Variants in SNX29 observed in about 807,000 individuals in gnomAD.
SNX29 encodes the protein sorting nexin-29.
Under a neutral mutation model 102.1 loss-of-function variants are expected in SNX29, and 78 were observed. The ratio of observed to expected loss-of-function variants is 0.76; its 90% CI spans 0.64 to 0.92. SNX29 has a LOEUF of 0.92. SNX29 is among the 40% of genes least tolerant of loss of function. The pLI is 0.00. For synonymous variants in SNX29, 580 were observed against 414.5 expected, an observed-to-expected ratio of 1.40 and a Z score of -4.85; for missense variants, 1,280 against 1,061.7, an observed-to-expected ratio of 1.21 and a Z score of -2.86.
At chr16:12,288,464 C>T (rs1269272225) in intron 15 of SNX29, among the ~76,000 whole-genome samples, 2 of 152,196 alleles carry the variant, frequency 1.3e-5, no homozygotes, top group Admixed American at 1.3e-4. Flanking sequence ...CCCTGCTCTG[C>T]AGCAGCAGTC....
At chr16:12,291,711 G>A (rs113200056) in intron 15 of SNX29, among the ~76,000 whole-genome samples, 4,821 of 152,296 alleles carry the variant, frequency 0.032, 120 homozygotes, top group Admixed American at 0.063. Context: ...CACAGGATCT[G>A]GCTTGTGCTA....
At position 12,526,815 on chromosome 16, in the gene SNX29, G is replaced by A. The variant is rs1445715902; in HGVS notation, c.2318+1974G>A. The A allele has an allele frequency of 8.5e-5, 34 of 401,598 alleles. No individual in the cohort carries two copies. In the East Asian group the frequency reaches 1.3e-3, roughly 15 times the overall value. The allele number at this position is 401,598 out of a possible 1,614,324, so 24.9% of individuals were successfully genotyped here. A position where few individuals can be genotyped will look rare whatever the true frequency, so the allele number is the denominator to read the frequency against. On this transcript the variant is annotated intron_variant, in intron 20 of 20. Coordinates refer to ENST00000566228, the MANE Select transcript of SNX29 (RefSeq NM_032167.5). ...CGGGGTCCACAGCCCAGGCATCTCC[G>A]GTCCAGTGTTTCCCAAACATTCGCG...
chr16:12,547,991 C>G (rs962700321), intron 20 of SNX29, among the ~76,000 whole-genome samples: 1 of 152,106 alleles, frequency 6.6e-6, no homozygotes, highest in Non-Finnish European at 1.5e-5. Flanking sequence ...ACAGGGGTCT[C>G]GAGTGAACGT....
At chr16:12,278,479 A>G (rs1310401555) in intron 15 of SNX29, among the ~76,000 whole-genome samples, 1 of 152,174 alleles carries the variant, frequency 6.6e-6, no homozygotes, top group Admixed American at 6.5e-5. Context: ...GAAAAGAAAA[A>G]AAAAACCAAA....
chr16:12,303,115 G>A (rs1050649739), intron 15 of SNX29, among the ~76,000 whole-genome samples: 18 of 152,166 alleles, frequency 1.2e-4, no homozygotes, highest in Admixed American at 7.9e-4. Context: ...GCAATTTACC[G>A]TGAAGCTGTC....
At chr16:12,305,710 T>G (rs1172647408) in intron 15 of SNX29, among the ~76,000 whole-genome samples, 1 of 152,230 alleles carries the variant, frequency 6.6e-6, no homozygotes, top group East Asian at 1.9e-4. Context: ...CTGGGTGTTG[T>G]GTATCCAGAC....
chr16:12,207,629 C>G (rs528650599), intron 14 of SNX29, among the ~76,000 whole-genome samples: 1 of 152,178 alleles, frequency 6.6e-6, no homozygotes, highest in Non-Finnish European at 1.5e-5. Context: ...TACGACCCCA[C>G]TCTTGGCTCA....
chr16:12,533,338 G>C (rs78749501), intron 20 of SNX29, among the ~76,000 whole-genome samples: 135 of 152,294 alleles, frequency 8.9e-4, no homozygotes, highest in African/African-American at 3.1e-3. Flanking sequence ...TGGCCCTGTG[G>C]GTCCTGGGAT....
At chr16:12,428,625 C>T (rs2085182079) in intron 18 of SNX29, among the ~76,000 whole-genome samples, 1 of 151,960 alleles carries the variant, frequency 6.6e-6, no homozygotes, top group Non-Finnish European at 1.5e-5. Flanking sequence ...TTTATATCTC[C>T]TAGTTAATCC....
chr16:12,275,468 C>A (rs1332928248), intron 14 of SNX29, among the ~76,000 whole-genome samples: 1 of 152,158 alleles, frequency 6.6e-6, no homozygotes, highest in African/African-American at 2.4e-5. Flanking sequence ...CTTTTAAAAC[C>A]TTTCTTTTGC....
intron 15 of SNX29, among the ~76,000 whole-genome samples, chr16:12,304,451 CAG>C (rs1405553658): frequency 2.0e-5 from 3 of 152,350 alleles, no homozygotes; most frequent in Non-Finnish European, 4.4e-5. Context: ...AGATTTAAAA[CAG>C]ACATTTAATT....
chr16:12,169,536 G>T (rs534159569), intron 13 of SNX29, among the ~76,000 whole-genome samples: 1 of 152,122 alleles, frequency 6.6e-6, no homozygotes, highest in East Asian at 1.9e-4. Context: ...TGGACGTACT[G>T]TGTGAACAGG....
At chr16:12,430,571 A>G (rs951592957) in intron 18 of SNX29, among the ~76,000 whole-genome samples, 1 of 152,264 alleles carries the variant, frequency 6.6e-6, no homozygotes, top group Non-Finnish European at 1.5e-5. Flanking sequence ...AGCATAGTGC[A>G]TCAAAGCTTA....
intron 19 of SNX29, among the ~76,000 whole-genome samples, chr16:12,480,173 A>G (rs1487226225): frequency 6.6e-6 from 1 of 152,196 alleles, no homozygotes; most frequent in Non-Finnish European, 1.5e-5. Flanking sequence ...ATCCCCACAA[A>G]TGCAGGGACT....
intron 19 of SNX29, among the ~76,000 whole-genome samples, chr16:12,513,304 C>T (rs534169797): frequency 3.4e-5 from 5 of 147,350 alleles, no homozygotes; most frequent in South Asian, 4.4e-4. Context: ...GCCTTGCCCT[C>T]CTCTCCCCTT....
At chr16:12,288,557 C>A (rs1452822286) in intron 15 of SNX29, among the ~76,000 whole-genome samples, 1 of 151,810 alleles carries the variant, frequency 6.6e-6, no homozygotes, top group Non-Finnish European at 1.5e-5. Flanking sequence ...CCCTTGAATT[C>A]TTTCCTGGAC....
At chr16:12,184,357 G>C (rs1403508124) in intron 13 of SNX29, among the ~76,000 whole-genome samples, 19 of 152,178 alleles carry the variant, frequency 1.2e-4, no homozygotes, top group Admixed American at 1.2e-3. Flanking sequence ...TGAGTTGCGT[G>C]CCATGCACCG....
intron 13 of SNX29, among the ~76,000 whole-genome samples, chr16:12,155,258 AT>A (rs1190437853): frequency 1.3e-5 from 2 of 152,234 alleles, no homozygotes; most frequent in Admixed American, 6.5e-5. Context: ...CAATGTAATT[AT>A]GCAGCTGAGT....
In SNX29 at chr16:12,477,574, T is replaced by C. The variant is rs968421735; in HGVS notation, c.2038-145T>C. On this transcript the variant is annotated intron_variant, in intron 18 of 20. Coordinates refer to ENST00000566228, the MANE Select transcript of SNX29 (RefSeq NM_032167.5). ...TCAGCTAGCACTAATAAATCCCTGC[T>C]CTATGCCAGGAACTGGGCATCCAGT... 3.7e-5 allele frequency: 34 copies of C among 910,498 alleles called. No homozygotes were observed. In the African/African-American group the frequency reaches 5.4e-4, roughly 15 times the overall value. 56.4% of individuals were successfully genotyped at this position (910,498 alleles called of 1,614,324 possible). A position where few individuals can be genotyped will look rare whatever the true frequency, so the allele number is the denominator to read the frequency against.
Sources: allele counts gnomAD v4.1 joint callset (sites outside exome capture counted in the v4.1 genomes callset), GRCh38; gene constraint gnomAD v4.1.1; transcripts MANE v1.5; gene names NCBI Gene and HGNC (gene_info 2026-07-23, HGNC 2026-07-21).